Variants in PCDH15 observed in about 807,000 individuals in gnomAD.
PCDH15 encodes protocadherin-15.
In PCDH15, 129 loss-of-function variants were observed where a neutral mutation model predicts 178.5. The ratio of observed to expected loss-of-function variants is 0.72; its 90% CI spans 0.63 to 0.84. The LOEUF is 0.84. Ranked by LOEUF, PCDH15 falls within the 40% of genes least tolerant of loss-of-function variation. The pLI is 0.00. For missense variants in PCDH15, 2,230 were observed against 2,099.9 expected (o/e 1.06, Z -1.21); for synonymous variants, 800 against 732.0 (o/e 1.09, Z -1.50).
chr10:55,346,365 G>C (rs1041222978), intron 2 of PCDH15, among the ~76,000 whole-genome samples: 1 of 152,076 alleles, frequency 6.6e-6, no homozygotes, highest in Non-Finnish European at 1.5e-5. Flanking sequence ...AATTCTATGT[G>C]GTCAGGAATA....
chr10:55,582,617 TATATATA>T (rs1164508134), intron 2 of PCDH15, among the ~76,000 whole-genome samples: 22 of 99,094 alleles, frequency 2.2e-4, no homozygotes, highest in African/African-American at 3.8e-4. Context: ...TATATATATA[TATATATA>T]TATATTTTTT....
At chr10:54,751,593 A>G (rs745694742) in intron 1 of PCDH15, among the ~76,000 whole-genome samples, 15 of 152,202 alleles carry the variant, frequency 9.9e-5, no homozygotes, top group Admixed American at 8.5e-4. Flanking sequence ...AATTGGACAA[A>G]TAGAATTAAA....
chr10:55,076,349 A>G (rs1422168406), intron 2 of PCDH15, among the ~76,000 whole-genome samples: 1 of 151,270 alleles, frequency 6.6e-6, no homozygotes, highest in Non-Finnish European at 1.5e-5. Flanking sequence ...CTTTAGTTCT[A>G]GTAATATATA....
At chr10:55,135,785 T>C (rs529198478) in intron 2 of PCDH15, among the ~76,000 whole-genome samples, 1 of 151,968 alleles carries the variant, frequency 6.6e-6, no homozygotes, top group South Asian at 2.1e-4. Flanking sequence ...GGTCTCACCA[T>C]GTTGGCCAGG....
At chr10:54,922,511 G>A (rs141867544) in intron 2 of PCDH15, among the ~76,000 whole-genome samples, 5 of 152,110 alleles carry the variant, frequency 3.3e-5, no homozygotes, top group Admixed American at 1.3e-4. Context: ...TTTGGACTTG[G>A]ACTTTTGAGT....
At chr10:53,875,634 G>C (rs1387447454) in intron 26 of PCDH15, among the ~76,000 whole-genome samples, 1 of 151,782 alleles carries the variant, frequency 6.6e-6, no homozygotes, top group Admixed American at 6.6e-5. Context: ...AGTTAGTCTA[G>C]AGTTCTTTTA....
intron 13 of PCDH15, among the ~76,000 whole-genome samples, chr10:54,163,404 C>CA (rs2045904073): frequency 7.3e-6 from 1 of 137,064 alleles, no homozygotes; most frequent in Non-Finnish European, 1.6e-5. Context: ...CACATGGCAG[C>CA]AGGAGAGAGA....
At chr10:54,228,234 C>T (rs369636701) in intron 9 of PCDH15, among the ~76,000 whole-genome samples, 18 of 152,264 alleles carry the variant, frequency 1.2e-4, no homozygotes, top group African/African-American at 3.4e-4. Flanking sequence ...TACAGTTCCA[C>T]GTGGCTGAGG....
intron 2 of PCDH15, among the ~76,000 whole-genome samples, chr10:55,329,477 T>A (rs1844134662): frequency 6.6e-6 from 1 of 151,532 alleles, no homozygotes; most frequent in East Asian, 1.9e-4. Context: ...CAAAAAAAAA[T>A]TCAGAACCAC....
chr10:53,994,034 T>C (rs534184710), intron 21 of PCDH15, among the ~76,000 whole-genome samples: 1 of 152,354 alleles, frequency 6.6e-6, no homozygotes, highest in South Asian at 2.1e-4. Flanking sequence ...GGCAATTTTA[T>C]TTAAAAGAGC....
chr10:53,960,511 C>T (rs1294994086), intron 22 of PCDH15, among the ~76,000 whole-genome samples: 1 of 152,138 alleles, frequency 6.6e-6, no homozygotes, highest in East Asian at 1.9e-4. Context: ...TTATTTATCA[C>T]TGCAATAGGA....
intron 3 of PCDH15, among the ~76,000 whole-genome samples, chr10:54,849,544 A>G (rs765561748): frequency 6.6e-6 from 1 of 152,132 alleles, no homozygotes; most frequent in Non-Finnish European, 1.5e-5. Context: ...AGAATGACCT[A>G]TTTCCGCTGG....
intron 2 of PCDH15, among the ~76,000 whole-genome samples, chr10:55,536,799 C>A (rs1326001873): frequency 2.6e-5 from 4 of 152,044 alleles, no homozygotes; most frequent in Admixed American, 6.6e-5. Flanking sequence ...TCTCTCCATA[C>A]TTTTTCATTT....
intron 2 of PCDH15, among the ~76,000 whole-genome samples, chr10:54,564,805 G>T (rs889179838): frequency 6.6e-6 from 1 of 151,922 alleles, no homozygotes; most frequent in Non-Finnish European, 1.5e-5. Flanking sequence ...ATTATGGGAA[G>T]TCCATAGTAT....
intron 28 of PCDH15, among the ~76,000 whole-genome samples, chr10:53,842,493 C>A (rs745547432): frequency 1.3e-5 from 2 of 152,012 alleles, no homozygotes. Context: ...GTGATCCGCC[C>A]GCCTCGGCCT....
chr10:54,724,473 A>T (rs979553148), intron 1 of PCDH15, among the ~76,000 whole-genome samples: 6 of 151,564 alleles, frequency 4.0e-5, no homozygotes, highest in African/African-American at 1.5e-4. Context: ...CCAGTCCCTA[A>T]CCAATATACA....
At chr10:55,010,777 G>A (rs973158401) in intron 2 of PCDH15, among the ~76,000 whole-genome samples, 2 of 147,784 alleles carry the variant, frequency 1.4e-5, no homozygotes, top group African/African-American at 5.0e-5. Flanking sequence ...CCCTGCATTT[G>A]CCATGCATAA....
chr10:54,149,280 A>AT (rs1295242652), intron 14 of PCDH15, among the ~76,000 whole-genome samples: 7 of 152,052 alleles, frequency 4.6e-5, no homozygotes, highest in African/African-American at 1.7e-4. Flanking sequence ...ACTTTACTGT[A>AT]TTTTGGGGGC....
intron 2 of PCDH15, among the ~76,000 whole-genome samples, chr10:55,444,987 T>A (rs1170846752): frequency 6.6e-6 from 1 of 152,036 alleles, no homozygotes; most frequent in Admixed American, 6.6e-5. Flanking sequence ...TTCTATAGAT[T>A]CAAATGCATA....
Sources: gnomAD v4.1 joint callset for allele counts (sites outside exome capture counted in the v4.1 genomes callset) on GRCh38, gnomAD v4.1.1 for gene constraint, MANE v1.5 for transcripts, NCBI Gene and HGNC (gene_info 2026-07-23, HGNC 2026-07-21) for gene names.